PROS1: variants seen among roughly 807,000 people sequenced by gnomAD.
PROS1 encodes vitamin K-dependent protein S.
PROS1 carries 29 observed loss-of-function variants against 75.9 expected under a neutral mutation model. That is an observed-to-expected ratio of 0.38 (90% CI 0.28 to 0.52). The LOEUF is 0.52. Ranked by LOEUF, PROS1 falls within the 20% of genes least tolerant of loss-of-function variation. The pLI is 0.83. For synonymous variants in PROS1, 245 were observed against 280.6 expected (o/e 0.87, Z 1.27); for missense variants, 680 against 810.3 (o/e 0.84, Z 1.95).
intron 10 of PROS1, among the ~76,000 whole-genome samples, chr3:93,889,634 C>T (rs187965259): frequency 6.6e-5 from 10 of 152,130 alleles, no homozygotes; most frequent in South Asian, 2.1e-4. Flanking sequence ...TCAGGGACCC[C>T]GAATGGAGGG....
intron 1 of PROS1, among the ~76,000 whole-genome samples, chr3:93,954,106 C>T (rs1484456956): frequency 9.2e-5 from 14 of 152,294 alleles, no homozygotes; most frequent in African/African-American, 2.9e-4. Context: ...ACATTCCATG[C>T]TCATGGGTAG....
At position 93,946,338 on chromosome 3, in the gene PROS1, G is replaced by A. The variant is rs568065676; in HGVS notation, c.77-18931C>T. 5.8e-4 allele frequency among the ~76,000 whole-genome samples: 89 copies of A among 152,206 alleles called. 1 individual carries two copies. In the South Asian group the frequency reaches 7.7e-3, roughly 13 times the overall value. On this transcript the variant is annotated intron_variant, in intron 1 of 14. Coordinates refer to ENST00000394236, the MANE Select transcript of PROS1 (RefSeq NM_000313.4). ...TTTATATGGAACCAAAAAAGAGCCC[G>A]CATTGCCAAGACAATCCTAAGACAA...
rs926370905 is a variant in PROS1 at position 93,920,261 on chromosome 3, A to C, written c.259+3979T>G. Among the ~76,000 whole-genome samples the C allele has an allele frequency of 3.3e-5, 5 of 152,076 alleles. No individual in the cohort carries two copies. The East Asian group carries it at 5.8e-4, about 18-fold the overall frequency. ...AATATAAAATATAATAAAATAAAAT[A>C]AAATCAATTTGAGGAGAACTGATCA... On this transcript the variant is annotated intron_variant, in intron 3 of 14. Coordinates refer to ENST00000394236, the MANE Select transcript of PROS1 (RefSeq NM_000313.4).
chr3:93,904,167 AG>A lies in PROS1; in HGVS notation c.601+1616del, dbSNP rs367648988. ...AACTCATCATTTTTTATGGCTGCTT[AG>A]TATTCCATGGTGTATATGTGCCACA... On this transcript the variant is annotated intron_variant, in intron 6 of 14. Coordinates refer to ENST00000394236, the MANE Select transcript of PROS1 (RefSeq NM_000313.4). Among the ~76,000 whole-genome samples the A allele has an allele frequency of 1.1e-3, 168 of 152,216 alleles. 1 individual carries two copies. The highest frequency in any genetic ancestry group is 3.8e-3 in the African/African-American group (157 of 41,532).
chr3:93,900,997 G>C, intron 6 of PROS1, 68 bp from the exon 7 acceptor site: 1 of 1,544,068 alleles, frequency 6.5e-7, no homozygotes, highest in Non-Finnish European at 8.8e-7. Context: ...AAGAACCCTT[G>C]ATTTGTGTTT....
Position 93,877,021 on chromosome 3 carries a change from G to A in PROS1, c.1815C>T (p.Ala605=), listed in dbSNP as rs758204799. The change falls in exon 14 of 15, where the codon GCC becomes GCT. Residue 605 remains alanine (A), a synonymous_variant. Transcript: ENST00000394236. ...TTGCTTTCATTGCTTTGTCCAAGAC[G>A]GCAAGTTGTCTTTGAAGGTCTTCAT... ...ISHEDLQRQL[A]VLDKAMKAKV... is the part of the protein sequence containing the mutation. The A allele has an allele frequency of 4.5e-5, 72 of 1,613,760 alleles. 1 individual carries two copies. In the African/African-American group the frequency reaches 4.8e-4, roughly 11 times the overall value.
At chr3:93,939,087 C>G (rs1162636009) in intron 1 of PROS1, among the ~76,000 whole-genome samples, 1 of 152,130 alleles carries the variant, frequency 6.6e-6, no homozygotes, top group African/African-American at 2.4e-5. Flanking sequence ...CAACTCACAC[C>G]TGATCTAAAA....
At chr3:93,943,329 T>C (rs1202519763) in intron 1 of PROS1, among the ~76,000 whole-genome samples, 2 of 152,162 alleles carry the variant, frequency 1.3e-5, no homozygotes, top group African/African-American at 4.8e-5. Context: ...CACTCTCTAA[T>C]TGGATGTCCT....
At chr3:93,954,423 A>G (rs1437155424) in intron 1 of PROS1, among the ~76,000 whole-genome samples, 2 of 152,178 alleles carry the variant, frequency 1.3e-5, no homozygotes, top group East Asian at 3.9e-4. Flanking sequence ...ATAATACCAC[A>G]CATCTACAAC....
At chr3:93,903,135 T>C (rs1011481791) in intron 6 of PROS1, among the ~76,000 whole-genome samples, 1 of 152,130 alleles carries the variant, frequency 6.6e-6, no homozygotes, top group Non-Finnish European at 1.5e-5. Flanking sequence ...CCCAAAGTGC[T>C]GGGATTACAA....
intron 1 of PROS1, among the ~76,000 whole-genome samples, chr3:93,956,308 T>C (rs1393540583): frequency 6.6e-6 from 1 of 152,088 alleles, no homozygotes; most frequent in Non-Finnish European, 1.5e-5. Context: ...TACTATTAAA[T>C]TGTGTATTTT....
intron 9 of PROS1, among the ~76,000 whole-genome samples, chr3:93,895,067 C>A (rs1708481069): frequency 6.6e-6 from 1 of 152,074 alleles, no homozygotes; most frequent in Non-Finnish European, 1.5e-5. Context: ...TGCATATAAC[C>A]TATGCACATC....
intron 1 of PROS1, among the ~76,000 whole-genome samples, chr3:93,937,200 G>T (rs1291992487): frequency 6.6e-6 from 1 of 152,110 alleles, no homozygotes; most frequent in Non-Finnish European, 1.5e-5. Flanking sequence ...CAAGACTAAA[G>T]ATTTCACATG....
intron 1 of PROS1, among the ~76,000 whole-genome samples, chr3:93,950,702 CA>C (rs1339210616): frequency 1.3e-5 from 2 of 152,124 alleles, no homozygotes; most frequent in African/African-American, 4.8e-5. Flanking sequence ...CATTAAAGAC[CA>C]AAGGTAGATA....
At chr3:93,907,576 T>G (rs1433871609) in intron 4 of PROS1, among the ~76,000 whole-genome samples, 1 of 152,172 alleles carries the variant, frequency 6.6e-6, no homozygotes, top group African/African-American at 2.4e-5. Flanking sequence ...GAGGGTCTCC[T>G]CTGAGCTGTT....
intron 1 of PROS1, among the ~76,000 whole-genome samples, chr3:93,969,470 C>G (rs538906123): frequency 6.6e-6 from 1 of 152,118 alleles, no homozygotes. Flanking sequence ...ACTGTTCTTC[C>G]GGCACTCTGT....
intron 9 of PROS1, among the ~76,000 whole-genome samples, chr3:93,894,598 A>T (rs969477018): frequency 1.3e-5 from 2 of 152,164 alleles, no homozygotes; most frequent in African/African-American, 4.8e-5. Flanking sequence ...TGTTTCTGGA[A>T]TATATCAGCA....
chr3:93,885,311 T>C (rs559903706), intron 11 of PROS1, among the ~76,000 whole-genome samples: 3 of 152,294 alleles, frequency 2.0e-5, no homozygotes, highest in Non-Finnish European at 4.4e-5. Flanking sequence ...CTGCAACCTC[T>C]GCCTCCCTGG....
chr3:93,874,718 A>G (rs1029467012), intron 14 of PROS1, among the ~76,000 whole-genome samples: 4 of 152,128 alleles, frequency 2.6e-5, no homozygotes, highest in African/African-American at 4.8e-5. Context: ...TATACAAATA[A>G]CATACTATTT....
Sources: allele counts gnomAD v4.1 joint callset (sites outside exome capture counted in the v4.1 genomes callset), GRCh38; gene constraint gnomAD v4.1.1; transcripts MANE v1.5; gene names NCBI Gene and HGNC (gene_info 2026-07-23, HGNC 2026-07-21).